Variants in AKAP12 observed in about 807,000 individuals in gnomAD.
The protein encoded by AKAP12 is A-kinase anchor protein 12.
Under a neutral mutation model 79.9 loss-of-function variants are expected in AKAP12, and 32 were observed. The observed-to-expected ratio is 0.40, with a 90% CI of 0.30 to 0.54. The LOEUF (loss-of-function observed/expected upper bound fraction) is 0.54, where lower values mean the gene tolerates loss of function less well. Ranked by LOEUF, AKAP12 falls within the 20% of genes least tolerant of loss-of-function variation. The probability of loss-of-function intolerance (pLI) is 0.48; values close to 1 mark genes in which losing one functional copy is unlikely to be tolerated. For synonymous variants in AKAP12, 808 were observed against 857.0 expected, an observed-to-expected ratio of 0.94 and a Z score of 1.00; for missense variants, 2,074 against 2,177.0, an observed-to-expected ratio of 0.95 and a Z score of 0.94.
rs760769925 is a variant in AKAP12, at chr6:151,350,299, C to T, written c.1908C>T (p.Asp636=). Residue 636 remains aspartate (D), a synonymous_variant, in exon 4 of 5, where the codon GAC becomes GAT. Transcript: ENST00000402676. The surrounding 1 kb of genome is among the most constrained non-coding windows in gnomAD (Gnocchi z 4.8). The part of the protein sequence containing the change: ...PSESDKEDEL[D]KVKSATLSST... The stretch of plus-strand genomic sequence containing the variant: ...AAAGTGATAAAGAAGATGAGCTGGA[C>T]AAGGTCAAGAGCGCTACCTTGTCTT... The T allele has an allele frequency of 3.7e-6, 6 of 1,613,840 alleles. No homozygotes were observed. Among genetic ancestry groups the T allele is most frequent in the Non-Finnish European group, 5.1e-6 (6 of 1,180,004 alleles).
rs751348949 is a variant in AKAP12, at chr6:151,349,108, C to T, written c.717C>T (p.Pro239=). 1.4e-5 allele frequency: 23 copies of T among 1,612,822 alleles called. No individual in the cohort carries two copies. The highest frequency in any genetic ancestry group is 1.6e-4 in the Middle Eastern group (1 of 6,072). Residue 239 remains proline, a synonymous_variant, in exon 4 of 5, where the codon CCC becomes CCT. Transcript: ENST00000402676. ...ESEPKQSTEK[P]EETLKREQSH... is the part of the protein sequence containing the mutation. ...AACCCAAACAATCTACAGAGAAACC[C>T]GAAGAGACCCTGAAGCGTGAGCAAA... is the stretch of plus-strand genomic sequence containing the variant.
intron 2 of AKAP12, among the ~76,000 whole-genome samples, chr6:151,266,684 T>G (rs1355920158): frequency 6.6e-6 from 1 of 152,174 alleles, no homozygotes; most frequent in East Asian, 1.9e-4. Flanking sequence ...AAATGTTTGT[T>G]ACAAATGTTT....
intron 2 of AKAP12, among the ~76,000 whole-genome samples, chr6:151,267,565 G>A (rs561002314): frequency 2.2e-4 from 33 of 152,270 alleles, no homozygotes; most frequent in Admixed American, 9.8e-4. Context: ...GTGGGGTGTG[G>A]AGTAGGGCTA....
intron 2 of AKAP12, among the ~76,000 whole-genome samples, chr6:151,254,655 AT>A (rs1379285067): frequency 2.6e-5 from 4 of 152,116 alleles, no homozygotes; most frequent in Non-Finnish European, 5.9e-5. Flanking sequence ...ATCAGTCTTC[AT>A]TTTGTTGATA....
Position 151,314,606 on chromosome 6 carries a change from A to G in AKAP12, c.319+8703A>G, listed in dbSNP as rs117244022. Among the ~76,000 whole-genome samples, 90 of 152,276 alleles carry G rather than the reference A, an allele frequency of 5.9e-4. No individual in the cohort carries two copies. The East Asian group carries it at 0.016, about 27-fold the overall frequency. ...GGTAAATGCCATAGCTGCTTGCCCTAAAGATTTTCAGTCAGCCTTGGAGAT... is the reference window on the plus strand; with the variant it reads ...GGTAAATGCCATAGCTGCTTGCCCTGAAGATTTTCAGTCAGCCTTGGAGAT... On this transcript the variant is annotated intron_variant, in intron 3 of 4. Transcript: ENST00000402676.
rs1187526292 is a variant in AKAP12, at chr6:151,358,389, G to C, written c.*2675G>C. 2 of 152,154 alleles carry C rather than the reference G, an allele frequency of 1.3e-5. No individual in the cohort carries two copies. Among genetic ancestry groups the C allele is most frequent in the African/African-American group, 4.8e-5 (2 of 41,420 alleles). The allele number at this position is 152,154 out of a possible 1,614,324, so 9.4% of individuals were successfully genotyped here. A position where few individuals can be genotyped will look rare whatever the true frequency, so the allele number is the denominator to read the frequency against. On this transcript the variant is annotated 3_prime_UTR_variant, in exon 5 of 5. Transcript: ENST00000402676. ...GTTCCAATATTTTCCTTTGATGTTTGGAACTACAGATAGTCAAGGGCTGGA... is the reference window on the plus strand; with the variant it reads ...GTTCCAATATTTTCCTTTGATGTTTCGAACTACAGATAGTCAAGGGCTGGA...
chr6:151,307,593 A>G (rs1777002698), intron 3 of AKAP12, among the ~76,000 whole-genome samples: 1 of 152,154 alleles, frequency 6.6e-6, no homozygotes, highest in Non-Finnish European at 1.5e-5. Context: ...GCAGGGACAC[A>G]GTTTTTTTCA....
intron 3 of AKAP12, among the ~76,000 whole-genome samples, chr6:151,342,552 A>C (rs1314703145): frequency 6.6e-6 from 1 of 152,236 alleles, no homozygotes; most frequent in East Asian, 1.9e-4. Flanking sequence ...GGCCGAAATC[A>C]GGCTGAAGCA....
chr6:151,284,073 G>T (rs1776455953), intron 2 of AKAP12, among the ~76,000 whole-genome samples: 1 of 152,188 alleles, frequency 6.6e-6, no homozygotes, highest in Non-Finnish European at 1.5e-5. Flanking sequence ...AGCTTGGTGA[G>T]TTCTTACAAG....
intron 3 of AKAP12, among the ~76,000 whole-genome samples, chr6:151,315,930 C>T (rs945616852): frequency 6.6e-6 from 1 of 152,190 alleles, no homozygotes; most frequent in African/African-American, 2.4e-5. Context: ...TGAGAACTCA[C>T]TCACTATCAT....
intron 3 of AKAP12, among the ~76,000 whole-genome samples, chr6:151,309,555 C>T (rs936856381): frequency 2.0e-5 from 3 of 152,102 alleles, no homozygotes; most frequent in Admixed American, 1.3e-4. Context: ...CAGAACCAAC[C>T]CTCCTCCTAT....
rs1337397257 is a variant in AKAP12 at position 151,349,700 on chromosome 6, G to A, written c.1309G>A (p.Glu437Lys). Residue 437 changes from glutamate to lysine, a missense_variant, in exon 4 of 5, where the codon GAA (glutamate) becomes AAA (lysine). Transcript: ENST00000402676. Reference sequence around the variant, plus strand: ...CGAAGAGCAGAAAACGGAGGTGGAAGAAACAGCAGGGTCTGTGCCAGCTGA... The same window carrying A: ...CGAAGAGCAGAAAACGGAGGTGGAAAAAACAGCAGGGTCTGTGCCAGCTGA... ...RTEEQKTEVE[E>K]TAGSVPAEEL... 6 of 1,614,050 alleles carry A rather than the reference G, an allele frequency of 3.7e-6. No homozygotes were observed. The Admixed American group carries it at 1.0e-4, about 27-fold the overall frequency.
At chr6:151,347,333 C>T (rs1458791947) in intron 3 of AKAP12, among the ~76,000 whole-genome samples, 2 of 152,212 alleles carry the variant, frequency 1.3e-5, no homozygotes, top group African/African-American at 2.4e-5. Flanking sequence ...AGAATGTCCC[C>T]TTCTTTAGAT....
intron 2 of AKAP12, among the ~76,000 whole-genome samples, chr6:151,251,549 C>T (rs549055066): frequency 1.3e-5 from 2 of 152,276 alleles, no homozygotes; most frequent in East Asian, 3.9e-4. Context: ...TGGAGTACCT[C>T]TATTTCTCCA....
At chr6:151,266,701 G>T (rs1776039924) in intron 2 of AKAP12, among the ~76,000 whole-genome samples, 1 of 152,098 alleles carries the variant, frequency 6.6e-6, no homozygotes, top group Non-Finnish European at 1.5e-5. Flanking sequence ...GTTTGCCATA[G>T]CCTTGTCGAA....
chr6:151,263,589 A>C (rs189041819), intron 2 of AKAP12, among the ~76,000 whole-genome samples: 125 of 147,386 alleles, frequency 8.5e-4, no homozygotes, highest in African/African-American at 3.1e-3. Flanking sequence ...TTTCTTTTTT[A>C]TTTTTATTTT....
At chr6:151,261,216 C>T (rs980306130) in intron 2 of AKAP12, among the ~76,000 whole-genome samples, 6 of 151,456 alleles carry the variant, frequency 4.0e-5, no homozygotes, top group Admixed American at 6.6e-5. Context: ...GGCGAAACCC[C>T]ATCTCTACTA....
intron 2 of AKAP12, among the ~76,000 whole-genome samples, chr6:151,244,273 C>T (rs1391254002): frequency 6.6e-6 from 1 of 152,136 alleles, no homozygotes; most frequent in Admixed American, 6.6e-5. Flanking sequence ...GCCTGTAATC[C>T]CAGCACTTTG....
intron 2 of AKAP12, among the ~76,000 whole-genome samples, chr6:151,292,994 A>T (rs974605510): frequency 1.3e-5 from 2 of 152,238 alleles, no homozygotes; most frequent in African/African-American, 2.4e-5. Context: ...TGATTAGAAG[A>T]AGTAATATTA....
Sources: allele counts gnomAD v4.1 joint callset (sites outside exome capture counted in the v4.1 genomes callset), GRCh38; gene constraint gnomAD v4.1.1; non-coding constraint Gnocchi (gnomAD v3.1); transcripts MANE v1.5; gene names NCBI Gene and HGNC (gene_info 2026-07-23, HGNC 2026-07-21).